FANCC: variants seen among roughly 807,000 people sequenced by gnomAD.
The protein encoded by FANCC is FA complementation group C.
A neutral mutation model predicts 71.3 loss-of-function variants in FANCC; 55 were observed. The ratio of observed to expected loss-of-function variants is 0.77; its 90% CI spans 0.62 to 0.97. FANCC has a LOEUF of 0.97. Among genes scored for constraint, FANCC ranks in the 50% least tolerant of loss-of-function variants. FANCC has a pLI of 0.00. For synonymous variants in FANCC, 275 were observed against 244.9 expected (o/e 1.12, Z -1.15); for missense variants, 678 against 670.9 (o/e 1.01, Z -0.12).
chr9:95,103,999 G>A (rs762776962), intron 14 of FANCC, among the ~76,000 whole-genome samples: 22 of 152,298 alleles, frequency 1.4e-4, no homozygotes, highest in Non-Finnish European at 2.2e-4. Flanking sequence ...GGCTGCGCTC[G>A]TGCTAGGTCC....
intron 1 of FANCC, among the ~76,000 whole-genome samples, chr9:95,252,108 T>A (rs1239465585): frequency 6.6e-6 from 1 of 151,678 alleles, no homozygotes; most frequent in Non-Finnish European, 1.5e-5. Context: ...TGAAACCCCA[T>A]CTCTACTGAA....
At chr9:95,203,102 G>A (rs1008071467) in intron 4 of FANCC, among the ~76,000 whole-genome samples, 1 of 152,076 alleles carries the variant, frequency 6.6e-6, no homozygotes, top group Non-Finnish European at 1.5e-5. Context: ...TTTATAAAAA[G>A]ACACATGAGG....
At chr9:95,120,965 A>G (rs1057117273) in intron 10 of FANCC, among the ~76,000 whole-genome samples, 1 of 152,036 alleles carries the variant, frequency 6.6e-6, no homozygotes, top group Non-Finnish European at 1.5e-5. Context: ...CTGGCCCCAC[A>G]CTGCCTGCCT....
chr9:95,239,662 T>C (rs566322711), intron 4 of FANCC, among the ~76,000 whole-genome samples: 1 of 152,334 alleles, frequency 6.6e-6, no homozygotes, highest in African/African-American at 2.4e-5. Context: ...TTACATTAAT[T>C]TTCCTTCCAA....
intron 3 of FANCC, 87 bp downstream of exon 3, chr9:95,247,345 T>C: frequency 1.1e-6 from 1 of 935,208 alleles, no homozygotes; most frequent in Non-Finnish European, 1.7e-6. Context: ...AAAAAAAAAC[T>C]AGGAGAAAGG....
chr9:95,278,902 A>T (rs1833207200), intron 1 of FANCC, among the ~76,000 whole-genome samples: 1 of 152,122 alleles, frequency 6.6e-6, no homozygotes, highest in Admixed American at 6.5e-5. Flanking sequence ...ATATTCACTT[A>T]CAGGCATCAG....
intron 4 of FANCC, among the ~76,000 whole-genome samples, chr9:95,222,982 G>A (rs1187392256): frequency 6.6e-6 from 1 of 152,070 alleles, no homozygotes; most frequent in Non-Finnish European, 1.5e-5. Context: ...CCAATGCCTA[G>A]ATATTTGGAT....
intron 4 of FANCC, among the ~76,000 whole-genome samples, chr9:95,181,909 C>T (rs1826396100): frequency 6.6e-6 from 1 of 152,162 alleles, no homozygotes; most frequent in African/African-American, 2.4e-5. Flanking sequence ...ACTGCCCTTG[C>T]TTTTGGGTGC....
At chr9:95,312,013 G>A (rs1053970601) in intron 1 of FANCC, among the ~76,000 whole-genome samples, 1 of 152,044 alleles carries the variant, frequency 6.6e-6, no homozygotes, top group Non-Finnish European at 1.5e-5. Context: ...CCATAAGGTC[G>A]ACCACAGTTC....
chr9:95,200,793 A>C (rs1827759221), intron 4 of FANCC, among the ~76,000 whole-genome samples: 1 of 152,216 alleles, frequency 6.6e-6, no homozygotes. Flanking sequence ...GCATATAACA[A>C]GCGGATGACA....
chr9:95,102,321 G>T (rs887549903), intron 14 of FANCC, among the ~76,000 whole-genome samples: 37 of 152,178 alleles, frequency 2.4e-4, no homozygotes, highest in Admixed American at 1.9e-3. Context: ...CTAGCAACCG[G>T]ACCTACTTGC....
intron 4 of FANCC, among the ~76,000 whole-genome samples, chr9:95,192,969 T>C (rs1362430772): frequency 6.6e-6 from 1 of 152,236 alleles, no homozygotes; most frequent in East Asian, 1.9e-4. Flanking sequence ...AAATCTTTAC[T>C]ATAGTGTATC....
Position 95,212,822 on chromosome 9 carries a change from A to C in FANCC, c.345+27827T>G, listed in dbSNP as rs576384337. 5.7e-4 allele frequency among the ~76,000 whole-genome samples: 87 copies of C among 152,324 alleles called. 1 individual carries two copies. The highest frequency in any genetic ancestry group is 5.2e-3 in the Admixed American group (79 of 15,290). The stretch of plus-strand genomic sequence containing the variant: ...CCACGATAAACAGAAGGGAGAGGAG[A>C]TGTGGCTGTAGACTGTGATGAGGTT... On this transcript the variant is annotated intron_variant, in intron 4 of 14. Transcript: ENST00000289081.
intron 4 of FANCC, among the ~76,000 whole-genome samples, chr9:95,227,357 G>A (rs2135969177): frequency 6.6e-6 from 1 of 152,296 alleles, no homozygotes; most frequent in African/African-American, 2.4e-5. Context: ...GCTCACCAGT[G>A]CCTGGTGGAT....
chr9:95,191,485 C>T (rs1165288287), intron 4 of FANCC, among the ~76,000 whole-genome samples: 1 of 151,974 alleles, frequency 6.6e-6, no homozygotes. Context: ...GGCTACCACA[C>T]CTGGCCAGCA....
intron 1 of FANCC, among the ~76,000 whole-genome samples, chr9:95,313,682 T>C (rs1211704056): frequency 1.3e-5 from 2 of 152,118 alleles, no homozygotes; most frequent in Non-Finnish European, 1.5e-5. Context: ...ATTACTAATA[T>C]TACCATGAAC....
intron 1 of FANCC, among the ~76,000 whole-genome samples, chr9:95,311,020 G>A (rs143525670): frequency 0.011 from 1,738 of 152,194 alleles, 33 homozygotes; most frequent in African/African-American, 0.039. Flanking sequence ...CAAGGCAGGC[G>A]GATCACGAGG....
Position 95,235,844 on chromosome 9 carries a change from C to CAAAAAAAAAAAAAAAAAAAAAAAA in FANCC, c.345+4781_345+4804dup, listed in dbSNP as rs10666439. The stretch of plus-strand genomic sequence containing the variant: ...GGGCAACAAGAGTGAAACTCCACCT[C>CAAAAAAAAAAAAAAAAAAAAAAAA]AAAAAAAAAAAAAAAAAAAAAAAAA... On this transcript the variant is annotated intron_variant, in intron 4 of 14. Coordinates refer to ENST00000289081, the MANE Select transcript of FANCC (RefSeq NM_000136.3). 5.5e-5 allele frequency among the ~76,000 whole-genome samples: 2 copies of CAAAAAAAAAAAAAAAAAAAAAAAA among 36,222 alleles called. 1 individual carries two copies. The highest frequency in any genetic ancestry group is 8.9e-5 in the Non-Finnish European group (2 of 22,580). The allele number at this position is 36,222 out of a possible 152,430, so 23.8% of individuals were successfully genotyped here. A position where few individuals can be genotyped will look rare whatever the true frequency, so the allele number is the denominator to read the frequency against.
chr9:95,238,230 C>T (rs1158557512), intron 4 of FANCC, among the ~76,000 whole-genome samples: 1 of 152,178 alleles, frequency 6.6e-6, no homozygotes, highest in Non-Finnish European at 1.5e-5. Flanking sequence ...CTAAGGCTTC[C>T]ACTATTCCCA....
Sources: gnomAD v4.1 joint callset for allele counts (sites outside exome capture counted in the v4.1 genomes callset) on GRCh38, gnomAD v4.1.1 for gene constraint, MANE v1.5 for transcripts, NCBI Gene and HGNC (gene_info 2026-07-23, HGNC 2026-07-21) for gene names.